Variants in CELSR1 observed in about 807,000 individuals in gnomAD.
CELSR1 encodes cadherin EGF LAG seven-pass G-type receptor 1.
CELSR1 carries 110 observed loss-of-function variants against 249.1 expected under a neutral mutation model. The ratio of observed to expected loss-of-function variants is 0.44; its 90% CI spans 0.38 to 0.52. The LOEUF (loss-of-function observed/expected upper bound fraction) is 0.52. Among genes scored for constraint, CELSR1 ranks in the 20% least tolerant of loss-of-function variants. The probability of loss-of-function intolerance (pLI) is 0.00; values close to 1 mark genes in which losing one functional copy is unlikely to be tolerated. For missense variants in CELSR1, 4,109 were observed against 4,296.4 expected (o/e 0.96, Z 1.22); for synonymous variants, 2,113 against 1,900.0 (o/e 1.11, Z -2.92).
rs2079928373 is a variant in CELSR1 at position 46,454,829 on chromosome 22, A to T, written c.4183+8878T>A. ...AACAGCCCTGGTTCCCAAACTCCTT[A>T]GCTCCTCAGCGAAGGAGCACCCACG... is the stretch of plus-strand genomic sequence containing the variant. On this transcript the variant is annotated intron_variant, in intron 2 of 34. Transcript: ENST00000674500. This position sits in a 1 kb window ranked among gnomAD's most constrained non-coding sequence, Gnocchi z 5.1. 6.6e-6 allele frequency among the ~76,000 whole-genome samples: 1 copy of T among 152,204 alleles called. No homozygotes were observed. Among genetic ancestry groups the T allele is most frequent in the Admixed American group, 6.5e-5 (1 of 15,286 alleles).
Position 46,378,625 on chromosome 22 carries a change from C to T in CELSR1, c.7349G>A (p.Ser2450Asn), listed in dbSNP as rs773767494. The stretch of plus-strand genomic sequence containing the variant: ...GGAGATATCCATGAGCACCGCAAAG[C>T]TGGCTGTGTGGCTGCACTGGCAGGC... Reference protein sequence around the residue: ...HVACQCSHTASFAVLMDISRR... With the variant: ...HVACQCSHTANFAVLMDISRR... Residue 2450 changes from serine to asparagine, a missense_variant, in exon 23 of 35, where the codon AGC (serine) becomes AAC (asparagine). This residue lies in a region of CELSR1 where 1,805 missense variants were observed against 1,831.6 expected (regional missense o/e 0.99). Transcript: ENST00000674500. 4 of 1,598,450 alleles carry T rather than the reference C, an allele frequency of 2.5e-6. No individual in the cohort carries two copies. Among genetic ancestry groups the T allele is most frequent in the Non-Finnish European group, 3.4e-6 (4 of 1,173,572 alleles).
chr22:46,382,075 A>G, intron 20 of CELSR1, 25 bp from the exon 21 acceptor site: 1 of 1,489,436 alleles, frequency 6.7e-7, no homozygotes. Context: ...GAAGGTGAGG[A>G]CTCTGGCAGG....
rs10647586 is a variant in CELSR1, at chr22:46,483,385, C to CTTTT, written c.3545-19044_3545-19041dup. 8.9e-3 allele frequency among the ~76,000 whole-genome samples: 719 copies of CTTTT among 81,190 alleles called. 16 individuals carry two copies. The highest frequency in any genetic ancestry group is 0.016 in the East Asian group (38 of 2,348). 53.3% of individuals were successfully genotyped at this position (81,190 alleles called of 152,430 possible). On this transcript the variant is annotated intron_variant, in intron 1 of 34. Transcript: ENST00000674500. ...CTTTATGGAAACATGCTATTCCTGA[C>CTTTT]TTTTTTTTTTTTTTTTTTTTTTTTG...
chr22:46,435,426 C>T (rs1483610536), intron 4 of CELSR1, among the ~76,000 whole-genome samples: 3 of 151,640 alleles, frequency 2.0e-5, no homozygotes, highest in Non-Finnish European at 1.5e-5. Context: ...GGATTACAGG[C>T]AAGTGCCACC....
At chr22:46,522,891 C>T (rs1320070785) in intron 1 of CELSR1, among the ~76,000 whole-genome samples, 4 of 152,214 alleles carry the variant, frequency 2.6e-5, no homozygotes, top group Admixed American at 6.5e-5. Context: ...AATCTCAGGC[C>T]GTCTCCAATG....
chr22:46,430,877 G>T lies in CELSR1; in HGVS notation c.4611+2516C>A, dbSNP rs1040690138. Among the ~76,000 whole-genome samples, 1 of 152,190 alleles carries T rather than the reference G, an allele frequency of 6.6e-6. No individual in the cohort carries two copies. The highest frequency in any genetic ancestry group is 2.4e-5 in the African/African-American group (1 of 41,440). ...TCGGAGACTAAGTCACGGAGCAGCA[G>T]TACTGTCTCCTTCTCGGGCTGGTGC... On this transcript the variant is annotated intron_variant, in intron 5 of 34. Coordinates refer to ENST00000674500, the MANE Select transcript of CELSR1 (RefSeq NM_001378328.1). This position sits in a 1 kb window ranked among gnomAD's most constrained non-coding sequence, Gnocchi z 4.6.
In CELSR1 at chr22:46,434,340, TGGGAGGAA is replaced by T. The variant is rs1293190418; in HGVS notation, c.4523-867_4523-860del. Among the ~76,000 whole-genome samples the T allele has an allele frequency of 2.0e-5, 3 of 152,184 alleles. No homozygotes were observed. The highest frequency in any genetic ancestry group is 4.4e-5 in the Non-Finnish European group (3 of 68,018). ...ACAACCCTGAGTCAGCAGCAGCAGC[TGGGAGGAA>T]GGAGCTTCAGGGGCACCAAAGGACA... On this transcript the variant is annotated intron_variant, in intron 4 of 34. Coordinates refer to ENST00000674500, the MANE Select transcript of CELSR1 (RefSeq NM_001378328.1). This position sits in a 1 kb window ranked among gnomAD's most constrained non-coding sequence, Gnocchi z 4.9.
intron 2 of CELSR1, among the ~76,000 whole-genome samples, chr22:46,461,794 T>C (rs976699493): frequency 6.6e-6 from 1 of 152,332 alleles, no homozygotes; most frequent in East Asian, 1.9e-4. Context: ...CACGGCTTCT[T>C]CATCTGAAGC....
chr22:46,381,781 A>G lies in CELSR1; in HGVS notation c.7088+65T>C. On this transcript the variant is annotated intron_variant, in intron 21 of 34. Transcript: ENST00000674500. This position sits in a 1 kb window ranked among gnomAD's most constrained non-coding sequence, Gnocchi z 6.0. ...GTGCTTGATCAGGATCAGGATTTTG[A>G]CCTGTGGAAGCCTCAGGAGCCTCCA... 2 of 1,400,784 alleles carry G rather than the reference A, an allele frequency of 1.4e-6. No homozygotes were observed. Among genetic ancestry groups the G allele is most frequent in the Non-Finnish European group, 1.9e-6 (2 of 1,034,468 alleles). 86.8% of individuals were successfully genotyped at this position (1,400,784 alleles called of 1,614,324 possible). A position where few individuals can be genotyped will look rare whatever the true frequency, so the allele number is the denominator to read the frequency against.
chr22:46,363,083 C>G lies in CELSR1; in HGVS notation c.*140G>C, dbSNP rs2078723494. 6.3e-7 allele frequency: 1 copy of G among 1,576,902 alleles called. No homozygotes were observed. Among genetic ancestry groups the G allele is most frequent in the East Asian group, 2.2e-5 (1 of 44,626 alleles). On this transcript the variant is annotated 3_prime_UTR_variant, in exon 35 of 35. Transcript: ENST00000674500. The surrounding 1 kb of genome is among the most constrained non-coding windows in gnomAD (Gnocchi z 4.3). ...GGGGGGCTGCCACCATGGGGACCGC[C>G]ACACTCTGGGCCCACTCCACTTCAA...
At chr22:46,522,951 A>G (rs1258025473) in intron 1 of CELSR1, among the ~76,000 whole-genome samples, 2 of 152,244 alleles carry the variant, frequency 1.3e-5, no homozygotes, top group Non-Finnish European at 2.9e-5. Context: ...ACAACACATC[A>G]AAGGACAGCC....
rs1201404668 is a variant in CELSR1, at chr22:46,447,776, C to T, written c.4184-8365G>A. 6.6e-6 allele frequency among the ~76,000 whole-genome samples: 1 copy of T among 152,190 alleles called. No homozygotes were observed. Among genetic ancestry groups the T allele is most frequent in the Non-Finnish European group, 1.5e-5 (1 of 68,046 alleles). On this transcript the variant is annotated intron_variant, in intron 2 of 34. Coordinates refer to ENST00000674500, the MANE Select transcript of CELSR1 (RefSeq NM_001378328.1). The surrounding 1 kb of genome is among the most constrained non-coding windows in gnomAD (Gnocchi z 4.7). ...CTGGGATTACAGGTGCACACCACCA[C>T]ACCTGGCTAATTTTTGTATTTTAAG...
chr22:46,409,271 C>T lies in CELSR1; in HGVS notation c.5060-109G>A. The T allele has an allele frequency of 8.6e-7, 1 of 1,166,416 alleles. No individual in the cohort carries two copies. Among genetic ancestry groups the T allele is most frequent in the Admixed American group, 2.6e-5 (1 of 39,060 alleles). The allele number at this position is 1,166,416 out of a possible 1,614,324, so 72.3% of individuals were successfully genotyped here. A position where few individuals can be genotyped will look rare whatever the true frequency, so the allele number is the denominator to read the frequency against. ...GCAGGCTAGGCCTGGGCCTTTTTCA[C>T]TTTAACACGAAGGTGGGTCTGAGCC... On this transcript the variant is annotated intron_variant, in intron 8 of 34. Coordinates refer to ENST00000674500, the MANE Select transcript of CELSR1 (RefSeq NM_001378328.1). The surrounding 1 kb of genome is among the most constrained non-coding windows in gnomAD (Gnocchi z 9.8).
At position 46,536,813 on chromosome 22, in the gene CELSR1, GC is replaced by G; in HGVS notation, c.357del (p.Leu120SerfsTer124). 8.3e-7 allele frequency: 1 copy of G among 1,204,062 alleles called. No individual in the cohort carries two copies. Among genetic ancestry groups the G allele is most frequent in the Non-Finnish European group, 1.0e-6 (1 of 971,680 alleles). 74.6% of individuals were successfully genotyped at this position (1,204,062 alleles called of 1,614,324 possible). On this transcript the variant is annotated frameshift_variant, in exon 1 of 35. Coordinates refer to ENST00000674500, the MANE Select transcript of CELSR1 (RefSeq NM_001378328.1). LOFTEE classifies it high-confidence loss of function. ...CAGAGCCGGGCACCGGTTCCGCAGA[GC>G]CGGGCACGGGCTCCGCAGCCGGGAA... is the stretch of plus-strand genomic sequence containing the variant. The part of the protein sequence containing the change: ...THLPGCGARA[R>X]LCGTGARLCG...
chr22:46,514,555 G>A (rs1340635481), intron 1 of CELSR1, among the ~76,000 whole-genome samples: 1 of 152,104 alleles, frequency 6.6e-6, no homozygotes, highest in African/African-American at 2.4e-5. Context: ...CACCCCAACA[G>A]CATCTGTGTA....
chr22:46,462,569 C>T (rs9615369), intron 2 of CELSR1, among the ~76,000 whole-genome samples: 68 of 151,360 alleles, frequency 4.5e-4, no homozygotes, highest in Non-Finnish European at 6.9e-4. Context: ...ACAGATTAAT[C>T]GAGGACACAG....
At chr22:46,502,695 G>A (rs1457513508) in intron 1 of CELSR1, among the ~76,000 whole-genome samples, 1 of 152,072 alleles carries the variant, frequency 6.6e-6, no homozygotes, top group East Asian at 1.9e-4. Context: ...TGGGGAAATC[G>A]AGATTCTCAG....
At chr22:46,496,200 CAAAAA>C (rs3081584) in intron 1 of CELSR1, among the ~76,000 whole-genome samples, 95,892 of 144,444 alleles carry the variant, frequency 0.66, 32,342 homozygotes, top group East Asian at 0.95. Flanking sequence ...GACTTTGTCT[CAAAAA>C]AAAAAAAAAA....
chr22:46,439,958 T>C (rs1250317969), intron 2 of CELSR1, among the ~76,000 whole-genome samples: 1 of 146,140 alleles, frequency 6.8e-6, no homozygotes, highest in African/African-American at 2.6e-5. Context: ...CCCCTCGCAC[T>C]GTCTGGCCAC....
Sources: gnomAD v4.1 joint callset for allele counts (sites outside exome capture counted in the v4.1 genomes callset) on GRCh38, gnomAD v4.1.1 for gene constraint, gnomAD v4.1.1 regional missense constraint, Gnocchi (gnomAD v3.1) non-coding constraint, MANE v1.5 for transcripts, NCBI Gene and HGNC (gene_info 2026-07-23, HGNC 2026-07-21) for gene names.